TENM4: variants seen among roughly 807,000 people sequenced by gnomAD.
TENM4 encodes the protein teneurin transmembrane protein 4.
Under a neutral mutation model 243.3 loss-of-function variants are expected in TENM4, and 82 were observed. That is an observed-to-expected ratio of 0.34 (90% CI 0.28 to 0.40). The LOEUF is 0.40. TENM4 is among the 10% of genes least tolerant of loss of function. The pLI is 1.00. For missense variants in TENM4, 3,138 were observed against 3,673.3 expected, an observed-to-expected ratio of 0.85 and a Z score of 3.77; for synonymous variants, 1,412 against 1,456.3, an observed-to-expected ratio of 0.97 and a Z score of 0.69.
At chr11:78,663,371 T>C (rs1281009064) in intron 32 of TENM4, among the ~76,000 whole-genome samples, 1 of 152,168 alleles carries the variant, frequency 6.6e-6, no homozygotes, top group Non-Finnish European at 1.5e-5. Flanking sequence ...CCAAATCTCA[T>C]GGTGAAATTT....
chr11:79,151,017 C>T lies in TENM4; in HGVS notation c.-162-2211G>A, dbSNP rs140641870. ...ATCACTCAGCTACTATGTGGCAGAA[C>T]AGGGATTCAAACCGCAGTCCATCCA... is the stretch of plus-strand genomic sequence containing the variant. On this transcript the variant is annotated intron_variant, in intron 3 of 33. Coordinates refer to ENST00000278550, the MANE Select transcript of TENM4 (RefSeq NM_001098816.3). Among the ~76,000 whole-genome samples the T allele has an allele frequency of 2.1e-4, 32 of 152,210 alleles. No homozygotes were observed. In the East Asian group the frequency reaches 4.4e-3, roughly 21 times the overall value.
At chr11:79,266,860 A>T (rs1855891758) in intron 2 of TENM4, among the ~76,000 whole-genome samples, 1 of 152,212 alleles carries the variant, frequency 6.6e-6, no homozygotes, top group Admixed American at 6.5e-5. Context: ...AAGCAGAAGG[A>T]TCTCTGCCCT....
At chr11:79,220,174 C>T (rs941018022) in intron 2 of TENM4, among the ~76,000 whole-genome samples, 10 of 152,244 alleles carry the variant, frequency 6.6e-5, no homozygotes, top group African/African-American at 2.2e-4. Flanking sequence ...TCCTAATGCA[C>T]TCAGAACTGT....
At chr11:79,018,117 G>C (rs564947524) in intron 6 of TENM4, among the ~76,000 whole-genome samples, 1 of 152,238 alleles carries the variant, frequency 6.6e-6, no homozygotes, top group South Asian at 2.1e-4. Context: ...ATAAAATCTT[G>C]TTGCCCAACT....
At chr11:78,862,176 A>G (rs947951771) in intron 10 of TENM4, among the ~76,000 whole-genome samples, 1 of 152,162 alleles carries the variant, frequency 6.6e-6, no homozygotes, top group African/African-American at 2.4e-5. Flanking sequence ...ACCTTGGGGT[A>G]AGTCAGGTGG....
chr11:78,889,961 T>A lies in TENM4; in HGVS notation c.908A>T (p.Tyr303Phe), dbSNP rs1173074530. The A allele has an allele frequency of 3.2e-6, 5 of 1,551,262 alleles. No individual in the cohort carries two copies. Among genetic ancestry groups the A allele is most frequent in the Non-Finnish European group, 4.4e-6 (5 of 1,146,876 alleles). The change falls in exon 9 of 34, where the codon TAC becomes TTC. Residue 303 changes from tyrosine to phenylalanine, a missense_variant. Coordinates refer to ENST00000278550, the MANE Select transcript of TENM4 (RefSeq NM_001098816.3). ...SPLFCTTSPG[Y>F]PLTSSTVYSP... is the part of the protein sequence containing the mutation. ...GTACACTGTGCTGGACGTCAGTGGG[T>A]ACCCTGGTGATGTGGTGCAGAAGAG...
intron 1 of TENM4, among the ~76,000 whole-genome samples, chr11:79,428,665 C>G (rs10899622): frequency 0.46 from 70,199 of 152,042 alleles, 16,363 homozygotes; most frequent in African/African-American, 0.5. Flanking sequence ...GTGTTGGAAT[C>G]AGAAGAGGAC....
chr11:79,188,514 G>A (rs918045433), intron 3 of TENM4, among the ~76,000 whole-genome samples: 3 of 151,876 alleles, frequency 2.0e-5, no homozygotes, highest in Non-Finnish European at 4.4e-5. Flanking sequence ...GGAAAAGAGA[G>A]GAGGAGAGGA....
At chr11:78,950,851 C>T (rs1162763478) in intron 6 of TENM4, among the ~76,000 whole-genome samples, 1 of 152,190 alleles carries the variant, frequency 6.6e-6, no homozygotes, top group Admixed American at 6.5e-5. Flanking sequence ...ACATTCAAAC[C>T]CACACTCTTA....
intron 4 of TENM4, among the ~76,000 whole-genome samples, chr11:79,112,204 G>A (rs941079774): frequency 6.6e-6 from 1 of 152,184 alleles, no homozygotes; most frequent in Admixed American, 6.5e-5. Flanking sequence ...ACCCGTGTCT[G>A]TAAATTTATA....
At chr11:79,275,459 G>A (rs1856039566) in intron 2 of TENM4, among the ~76,000 whole-genome samples, 1 of 152,228 alleles carries the variant, frequency 6.6e-6, no homozygotes, top group South Asian at 2.1e-4. Context: ...CACTCTGCAG[G>A]TGAGAAGACA....
chr11:78,840,857 T>C (rs1484268981), intron 12 of TENM4, among the ~76,000 whole-genome samples: 2 of 152,210 alleles, frequency 1.3e-5, no homozygotes, highest in African/African-American at 4.8e-5. Context: ...ATTCAAATCC[T>C]GGCTCTGCTC....
intron 6 of TENM4, among the ~76,000 whole-genome samples, chr11:78,951,917 C>T (rs1311484310): frequency 5.9e-5 from 9 of 152,146 alleles, no homozygotes; most frequent in Admixed American, 5.9e-4. Flanking sequence ...AATGTGCAAA[C>T]TTGCCTGTGT....
chr11:79,116,110 C>A (rs1565210036), intron 4 of TENM4, among the ~76,000 whole-genome samples: 1 of 152,180 alleles, frequency 6.6e-6, no homozygotes. Flanking sequence ...TATTAATTGA[C>A]ACTGAGAAAC....
chr11:79,377,859 A>C (rs1381620558), intron 1 of TENM4, among the ~76,000 whole-genome samples: 2 of 150,256 alleles, frequency 1.3e-5, no homozygotes, highest in Non-Finnish European at 3.0e-5. Flanking sequence ...GCCAAAAAAC[A>C]AAACAAAATA....
intron 6 of TENM4, among the ~76,000 whole-genome samples, chr11:78,909,837 T>G (rs1856145745): frequency 6.6e-6 from 1 of 152,194 alleles, no homozygotes; most frequent in African/African-American, 2.4e-5. Flanking sequence ...GTAGAGACAC[T>G]GGGGCAGGCC....
intron 2 of TENM4, among the ~76,000 whole-genome samples, chr11:79,251,431 C>T (rs189662281): frequency 2.0e-4 from 30 of 152,264 alleles, no homozygotes; most frequent in Non-Finnish European, 1.0e-4. Flanking sequence ...AATCCTAAAC[C>T]AAGAAATTAA....
intron 6 of TENM4, among the ~76,000 whole-genome samples, chr11:79,024,999 C>T (rs562233639): frequency 3.3e-5 from 5 of 152,318 alleles, no homozygotes; most frequent in African/African-American, 9.6e-5. Flanking sequence ...AAGACAGCAA[C>T]ATCCCTTGAA....
At chr11:79,262,573 T>C (rs566855919) in intron 2 of TENM4, among the ~76,000 whole-genome samples, 2 of 152,294 alleles carry the variant, frequency 1.3e-5, no homozygotes, top group African/African-American at 4.8e-5. Context: ...CAACCCCATT[T>C]CCTCACTACA....
Sources: allele counts gnomAD v4.1 joint callset (sites outside exome capture counted in the v4.1 genomes callset), GRCh38; gene constraint gnomAD v4.1.1; transcripts MANE v1.5; gene names NCBI Gene and HGNC (gene_info 2026-07-23, HGNC 2026-07-21).